The following ROCK1 variants were observed in gnomAD, a reference collection of about 807,000 sequenced individuals.
ROCK1 encodes rho-associated protein kinase 1.
ROCK1 carries 36 observed loss-of-function variants against 196.8 expected under a neutral mutation model. The ratio of observed to expected loss-of-function variants is 0.18; its 90% CI spans 0.14 to 0.24. The LOEUF is 0.24. Among genes scored for constraint, ROCK1 ranks in the 10% least tolerant of loss-of-function variants. The pLI, the probability that ROCK1 is intolerant of heterozygous loss-of-function variation, is 1.00. For missense variants in ROCK1, 920 were observed against 1,562.0 expected, an observed-to-expected ratio of 0.59 and a Z score of 6.93; for synonymous variants, 443 against 515.9, an observed-to-expected ratio of 0.86 and a Z score of 1.91.
intron 21 of ROCK1, among the ~76,000 whole-genome samples, chr18:20,981,111 AG>A (rs1259055622): frequency 2.0e-5 from 3 of 151,716 alleles, no homozygotes; most frequent in African/African-American, 7.3e-5. Flanking sequence ...TATCCACAAA[AG>A]GGCCGGGCGC....
At chr18:21,060,497 C>T (rs183162009) in intron 2 of ROCK1, among the ~76,000 whole-genome samples, 36 of 152,260 alleles carry the variant, frequency 2.4e-4, no homozygotes, top group African/African-American at 7.7e-4. Context: ...TAGCAAACAA[C>T]CTAGCAATGC....
chr18:21,088,297 C>G lies in ROCK1; in HGVS notation c.94-17684G>C, dbSNP rs190441007. Among the ~76,000 whole-genome samples the G allele has an allele frequency of 4.1e-4, 62 of 152,136 alleles. 1 individual carries two copies. The highest frequency in any genetic ancestry group is 1.4e-3 in the African/African-American group (60 of 41,488). ...TCACTTGAGCTCAGGAGTTCAAGGC[C>G]CATCTGGGTAACAATAGAAAGACCT... On this transcript the variant is annotated intron_variant, in intron 1 of 32. Transcript: ENST00000399799.
At chr18:20,963,062 T>C (rs1318321913) in intron 27 of ROCK1, among the ~76,000 whole-genome samples, 1 of 152,030 alleles carries the variant, frequency 6.6e-6, no homozygotes, top group Non-Finnish European at 1.5e-5. Context: ...GAAAACAGCT[T>C]CTCCAGATAA....
intron 8 of ROCK1, among the ~76,000 whole-genome samples, chr18:21,040,054 G>A (rs916492962): frequency 2.0e-5 from 3 of 152,066 alleles, no homozygotes; most frequent in East Asian, 3.9e-4. Context: ...GCGAGACTCC[G>A]TCTCAAAAAA....
chr18:21,075,728 T>A (rs2036423734), intron 1 of ROCK1, among the ~76,000 whole-genome samples: 1 of 151,260 alleles, frequency 6.6e-6, no homozygotes, highest in Non-Finnish European at 1.5e-5. Context: ...CCGAGGCTGG[T>A]GGATCACCTG....
At chr18:21,080,499 T>C (rs2036474185) in intron 1 of ROCK1, among the ~76,000 whole-genome samples, 1 of 152,092 alleles carries the variant, frequency 6.6e-6, no homozygotes, top group Non-Finnish European at 1.5e-5. Flanking sequence ...ACTAACACTT[T>C]AAGTATAAAT....
chr18:21,014,562 T>TA (rs1027772138), intron 13 of ROCK1, among the ~76,000 whole-genome samples: 1 of 152,192 alleles, frequency 6.6e-6, no homozygotes, highest in Admixed American at 6.5e-5. Flanking sequence ...ATCTGTGTTT[T>TA]AAAAGTTAAA....
intron 22 of ROCK1, among the ~76,000 whole-genome samples, chr18:20,973,300 G>A (rs1303036427): frequency 6.6e-6 from 1 of 151,732 alleles, no homozygotes; most frequent in Admixed American, 6.6e-5. Flanking sequence ...ATTTTTTTTG[G>A]AGACTCAGTC....
At chr18:21,066,503 G>C (rs1156359076) in intron 2 of ROCK1, among the ~76,000 whole-genome samples, 1 of 152,014 alleles carries the variant, frequency 6.6e-6, no homozygotes, top group Non-Finnish European at 1.5e-5. Flanking sequence ...GATGCTTTTT[G>C]TATATAGATT....
At chr18:21,043,606 T>C (rs2036129517) in intron 6 of ROCK1, among the ~76,000 whole-genome samples, 2 of 148,852 alleles carry the variant, frequency 1.3e-5, no homozygotes, top group Admixed American at 6.7e-5. Flanking sequence ...ATAATATGTA[T>C]ATACATATAC....
At chr18:21,102,378 C>T (rs2036666471) in intron 1 of ROCK1, among the ~76,000 whole-genome samples, 1 of 152,208 alleles carries the variant, frequency 6.6e-6, no homozygotes, top group Admixed American at 6.5e-5. Flanking sequence ...CCACTCCTAT[C>T]TTAGTGTGAT....
At chr18:21,096,987 T>C (rs2036617988) in intron 1 of ROCK1, among the ~76,000 whole-genome samples, 1 of 152,072 alleles carries the variant, frequency 6.6e-6, no homozygotes, top group African/African-American at 2.4e-5. Flanking sequence ...TGTCAGACTA[T>C]AAAGATGAGA....
intron 4 of ROCK1, among the ~76,000 whole-genome samples, chr18:21,047,521 C>T (rs2036170482): frequency 6.6e-6 from 1 of 152,130 alleles, no homozygotes; most frequent in East Asian, 1.9e-4. Flanking sequence ...TGACCGGGCA[C>T]GGTGGCTCAC....
chr18:20,972,422 T>A (rs144007761), intron 22 of ROCK1, among the ~76,000 whole-genome samples: 32 of 152,272 alleles, frequency 2.1e-4, no homozygotes, highest in African/African-American at 7.5e-4. Context: ...GCTGGATACG[T>A]AAGTCTGGAA....
intron 12 of ROCK1, among the ~76,000 whole-genome samples, chr18:21,018,874 CATAA>C (rs2035888126): frequency 6.6e-6 from 1 of 152,034 alleles, no homozygotes; most frequent in Non-Finnish European, 1.5e-5. Flanking sequence ...TCACTAAAAA[CATAA>C]ATAATTATAA....
chr18:21,058,925 A>G (rs553535974), intron 2 of ROCK1, among the ~76,000 whole-genome samples: 168 of 152,300 alleles, frequency 1.1e-3, no homozygotes, highest in Non-Finnish European at 1.9e-3. Context: ...TTCAAATAAA[A>G]TCACACTCTA....
chr18:21,011,779 A>C (rs2035819839), intron 13 of ROCK1, among the ~76,000 whole-genome samples: 1 of 152,070 alleles, frequency 6.6e-6, no homozygotes, highest in Non-Finnish European at 1.5e-5. Flanking sequence ...TTTCTTTATG[A>C]CCCATTACTC....
At chr18:21,094,184 CG>C (rs1486232162) in intron 1 of ROCK1, among the ~76,000 whole-genome samples, 8 of 152,152 alleles carry the variant, frequency 5.3e-5, no homozygotes, top group Non-Finnish European at 1.2e-4. Context: ...CAAAGAAAAA[CG>C]TAAGAGAACA....
chr18:21,066,298 C>CA (rs2036333791), intron 2 of ROCK1, among the ~76,000 whole-genome samples: 1 of 151,878 alleles, frequency 6.6e-6, no homozygotes, highest in Admixed American at 6.6e-5. Context: ...TGTTTTTGTT[C>CA]ATGTCTTTAA....
Sources: allele counts gnomAD v4.1 joint callset (sites outside exome capture counted in the v4.1 genomes callset), GRCh38; gene constraint gnomAD v4.1.1; transcripts MANE v1.5; gene names NCBI Gene and HGNC (gene_info 2026-07-23, HGNC 2026-07-21).